EPHB2: variants seen among roughly 807,000 people sequenced by gnomAD.
EPHB2 encodes EPH receptor B2.
A neutral mutation model predicts 96.4 loss-of-function variants in EPHB2; 18 were observed. The observed-to-expected ratio is 0.19, with a 90% CI of 0.13 to 0.28. The LOEUF is 0.28. Among genes scored for constraint, EPHB2 ranks in the 10% least tolerant of loss-of-function variants. EPHB2 has a pLI of 1.00. For synonymous variants in EPHB2, 506 were observed against 534.1 expected (o/e 0.95, Z 0.72); for missense variants, 989 against 1,355.4 (o/e 0.73, Z 4.25).
Position 22,909,077 on chromosome 1 carries a change from T to A in EPHB2, c.2408T>A (p.Phe803Tyr), listed in dbSNP as rs1428134400. The change falls in exon 13 of 16, where the codon TTC becomes TAC. Residue 803 changes from phenylalanine (F) to tyrosine (Y), a missense_variant. Phe to Tyr is a conservative substitution (Grantham distance 22, BLOSUM62 3). Transcript: ENST00000374630. Reference sequence around the variant, plus strand: ...CCGGAAGCCATCCAGTACCGGAAGTTCACCTCGGCCAGTGATGTGTGGAGC... The same window carrying A: ...CCGGAAGCCATCCAGTACCGGAAGTACACCTCGGCCAGTGATGTGTGGAGC... ...TAPEAIQYRK[F>Y]TSASDVWSYG... is the part of the protein sequence containing the mutation. 6.2e-7 allele frequency: 1 copy of A among 1,614,134 alleles called. No homozygotes were observed. Among genetic ancestry groups the A allele is most frequent in the Admixed American group, 1.7e-5 (1 of 60,026 alleles).
intron 1 of EPHB2, among the ~76,000 whole-genome samples, chr1:22,729,174 G>C (rs1366393420): frequency 6.6e-6 from 1 of 152,216 alleles, no homozygotes; most frequent in Non-Finnish European, 1.5e-5. Context: ...GGCAGACCTT[G>C]GGCAGCAAGT....
chr1:22,902,868 A>G (rs527283488), intron 9 of EPHB2, among the ~76,000 whole-genome samples: 1 of 152,370 alleles, frequency 6.6e-6, no homozygotes, highest in African/African-American at 2.4e-5. Flanking sequence ...GAGAGGGTAC[A>G]GGTCTCCACT....
rs1570281790 is a variant in EPHB2, at chr1:22,790,903, T to G, written c.811+5827T>G. Among the ~76,000 whole-genome samples the G allele has an allele frequency of 1.3e-5, 2 of 152,288 alleles. No individual in the cohort carries two copies. Among genetic ancestry groups the G allele is most frequent in the Middle Eastern group, 3.4e-3 (1 of 292 alleles). On this transcript the variant is annotated intron_variant, in intron 3 of 15. Transcript: ENST00000374630. The surrounding 1 kb of genome is among the most constrained non-coding windows in gnomAD (Gnocchi z 4.0). ...TGGGTTTCTCCTCCCAGCCTCTCCC[T>G]CTTGTCTGCCCTGCCCTGCTGTGCA...
rs1450358491 is a variant in EPHB2, at chr1:22,803,629, ATGTGT to A, written c.811+18554_811+18558del. ...TCAAAAAAAAATAATATATATATAT[ATGTGT>A]ATATATATGTGTATATATATATATG... On this transcript the variant is annotated intron_variant, in intron 3 of 15. Transcript: ENST00000374630. Among the ~76,000 whole-genome samples the A allele has an allele frequency of 6.1e-3, 4 of 652 alleles. No homozygotes were observed. In the Admixed American group the frequency reaches 0.067, roughly 11 times the overall value. The allele number at this position is 652 out of a possible 152,430, so 0.4% of individuals were successfully genotyped here. A position where few individuals can be genotyped will look rare whatever the true frequency, so the allele number is the denominator to read the frequency against.
At chr1:22,794,069 C>T (rs1246244089) in intron 3 of EPHB2, among the ~76,000 whole-genome samples, 2 of 152,140 alleles carry the variant, frequency 1.3e-5, no homozygotes, top group Non-Finnish European at 2.9e-5. Flanking sequence ...ATAGAAAGAA[C>T]CTCAGTTTGC....
intron 3 of EPHB2, among the ~76,000 whole-genome samples, chr1:22,832,061 A>G (rs1397105408): frequency 6.6e-6 from 1 of 152,168 alleles, no homozygotes; most frequent in Non-Finnish European, 1.5e-5. Context: ...GTCCAGGAGG[A>G]CCTTCGAGGC....
intron 3 of EPHB2, among the ~76,000 whole-genome samples, chr1:22,805,122 G>T (rs548885896): frequency 2.1e-5 from 3 of 145,374 alleles, no homozygotes; most frequent in Non-Finnish European, 4.5e-5. Context: ...CCACCTCCCA[G>T]GGCTGGCATC....
chr1:22,844,245 C>T (rs1645509195), intron 3 of EPHB2, among the ~76,000 whole-genome samples: 3 of 152,246 alleles, frequency 2.0e-5, no homozygotes, highest in African/African-American at 7.2e-5. Context: ...AATGGCTGAG[C>T]TAACGTACAT....
chr1:22,764,865 C>T (rs1363899893), intron 1 of EPHB2, among the ~76,000 whole-genome samples: 1 of 152,240 alleles, frequency 6.6e-6, no homozygotes, highest in Admixed American at 6.5e-5. Flanking sequence ...TTCCCGCTCC[C>T]CTGCGACTCG....
chr1:22,906,764 T>C lies in EPHB2; in HGVS notation c.1943T>C (p.Ile648Thr). Residue 648 changes from isoleucine (I) to threonine (T), a missense_variant, in exon 11 of 16, where the codon ATC becomes ACC. Coordinates refer to ENST00000374630, the MANE Select transcript of EPHB2 (RefSeq NM_017449.5). The surrounding 1 kb of genome is among the most constrained non-coding windows in gnomAD (Gnocchi z 4.8). ...GHLKLPGKRE[I>T]FVAIKTLKSG... ...CTGAAGCTGCCAGGCAAGAGAGAGATCTTTGTGGCCATCAAGACGCTCAAG... is the reference window on the plus strand; with the variant it reads ...CTGAAGCTGCCAGGCAAGAGAGAGACCTTTGTGGCCATCAAGACGCTCAAG... 1 of 1,614,058 alleles carries C rather than the reference T, an allele frequency of 6.2e-7. No homozygotes were observed. The highest frequency in any genetic ancestry group is 8.5e-7 in the Non-Finnish European group (1 of 1,180,016).
At chr1:22,747,479 C>T (rs1177045155) in intron 1 of EPHB2, among the ~76,000 whole-genome samples, 1 of 152,178 alleles carries the variant, frequency 6.6e-6, no homozygotes, top group African/African-American at 2.4e-5. Flanking sequence ...TAGAGCAAAT[C>T]GAGAGGGGCT....
intron 3 of EPHB2, among the ~76,000 whole-genome samples, chr1:22,850,776 G>A (rs999960074): frequency 6.6e-6 from 1 of 152,152 alleles, no homozygotes; most frequent in African/African-American, 2.4e-5. Context: ...CCCGGAGAGA[G>A]GCTCAGGGAA....
intron 1 of EPHB2, among the ~76,000 whole-genome samples, chr1:22,712,896 G>C (rs930902146): frequency 6.6e-6 from 1 of 152,198 alleles, no homozygotes; most frequent in African/African-American, 2.4e-5. Context: ...TGCAGTCAGC[G>C]GTGCTGGAGG....
Position 22,846,092 on chromosome 1 carries a change from G to A in EPHB2, c.812-16945G>A, listed in dbSNP as rs1570376193. ...AGGAGCCCAGGATGCCCAGGTACCT[G>A]CTCTGCTGCAAAGGACTTAATGATT... On this transcript the variant is annotated intron_variant, in intron 3 of 15. Coordinates refer to ENST00000374630, the MANE Select transcript of EPHB2 (RefSeq NM_017449.5). This position sits in a 1 kb window ranked among gnomAD's most constrained non-coding sequence, Gnocchi z 4.3. Among the ~76,000 whole-genome samples the A allele has an allele frequency of 6.6e-6, 1 of 152,234 alleles. No individual in the cohort carries two copies. The highest frequency in any genetic ancestry group is 1.5e-5 in the Non-Finnish European group (1 of 68,006).
At chr1:22,742,203 G>T (rs1416061044) in intron 1 of EPHB2, among the ~76,000 whole-genome samples, 3 of 152,156 alleles carry the variant, frequency 2.0e-5, no homozygotes, top group Non-Finnish European at 4.4e-5. Flanking sequence ...CAGGCTCGTG[G>T]TATGGACAAG....
chr1:22,800,690 CTG>C (rs1246059591), intron 3 of EPHB2, among the ~76,000 whole-genome samples: 1 of 134,698 alleles, frequency 7.4e-6, no homozygotes, highest in Admixed American at 7.5e-5. Flanking sequence ...TGAGCCCTAT[CTG>C]TGTGAGTATA....
intron 9 of EPHB2, among the ~76,000 whole-genome samples, chr1:22,901,593 G>A (rs748098343): frequency 3.3e-5 from 5 of 152,154 alleles, no homozygotes; most frequent in Non-Finnish European, 5.9e-5. Context: ...GTCCTCACCC[G>A]ACCTCGGTTC....
intron 1 of EPHB2, among the ~76,000 whole-genome samples, chr1:22,715,968 C>T (rs1210686190): frequency 1.3e-5 from 2 of 152,206 alleles, no homozygotes; most frequent in Non-Finnish European, 2.9e-5. Context: ...AGGTCCTTCC[C>T]TCAATGATGG....
At chr1:22,785,151 TTGGGCC>T (rs1644593261) in intron 3 of EPHB2, 75 bp downstream of exon 3, 3 of 1,572,158 alleles carry the variant, frequency 1.9e-6, no homozygotes, top group Non-Finnish European at 1.7e-6. Flanking sequence ...GGCTGCAGAC[TTGGGCC>T]TGGCCTCTGA....
Sources: gnomAD v4.1 joint callset for allele counts (sites outside exome capture counted in the v4.1 genomes callset) on GRCh38, gnomAD v4.1.1 for gene constraint, Gnocchi (gnomAD v3.1) non-coding constraint, MANE v1.5 for transcripts, NCBI Gene and HGNC (gene_info 2026-07-23, HGNC 2026-07-21) for gene names.